UBE2N: variants seen among roughly 807,000 people sequenced by gnomAD.
The protein encoded by UBE2N is ubiquitin conjugating enzyme E2 N.
For missense variants in UBE2N, 60 were observed against 192.1 expected, an observed-to-expected ratio of 0.31 and a Z score of 4.07; for synonymous variants, 70 against 69.2, an observed-to-expected ratio of 1.01 and a Z score of -0.06.
At chr12:93,411,331 C>T (rs758994832) in intron 1 of UBE2N, 32 bp from the exon 2 acceptor site, 27 of 1,562,974 alleles carry the variant, frequency 1.7e-5, no homozygotes, top group South Asian at 1.2e-4. Flanking sequence ...ATTTGTGAAA[C>T]AAATGTCATT....
chr12:93,430,997 G>A (rs1309138205), intron 1 of UBE2N, among the ~76,000 whole-genome samples: 1 of 151,084 alleles, frequency 6.6e-6, no homozygotes, highest in Non-Finnish European at 1.5e-5. Flanking sequence ...GGGAGGCCAA[G>A]GCGGGCGAAT....
chr12:93,438,523 G>T (rs1169333952), intron 1 of UBE2N, among the ~76,000 whole-genome samples: 1 of 152,034 alleles, frequency 6.6e-6, no homozygotes, highest in Non-Finnish European at 1.5e-5. Context: ...GAGAAGTGCA[G>T]ATGCGCTCAG....
intron 1 of UBE2N, among the ~76,000 whole-genome samples, chr12:93,413,955 A>G (rs554079775): frequency 2.6e-5 from 4 of 152,188 alleles, no homozygotes; most frequent in Admixed American, 6.5e-5. Context: ...TCAGGTCAGG[A>G]GTTCGAGACC....
At chr12:93,440,080 G>GA (rs1477760212) in intron 1 of UBE2N, among the ~76,000 whole-genome samples, 1 of 152,092 alleles carries the variant, frequency 6.6e-6, no homozygotes, top group Admixed American at 6.6e-5. Flanking sequence ...ATCAAAAATA[G>GA]AAAAATGCGT....
At chr12:93,412,144 GGAA>G (rs1418630945) in intron 1 of UBE2N, among the ~76,000 whole-genome samples, 1 of 152,114 alleles carries the variant, frequency 6.6e-6, no homozygotes, top group Non-Finnish European at 1.5e-5. Flanking sequence ...TAACTTCAGA[GGAA>G]CCCTTAATAC....
intron 1 of UBE2N, among the ~76,000 whole-genome samples, chr12:93,440,044 T>C (rs1331140522): frequency 6.6e-6 from 1 of 152,242 alleles, no homozygotes; most frequent in African/African-American, 2.4e-5. Flanking sequence ...ATCCAAGGCT[T>C]TCATATTACT....
rs1877816223 is a variant in UBE2N, at chr12:93,406,320, TCAACA to T, written c.*3714_*3718del. 4.0e-5 allele frequency: 5 copies of T among 125,622 alleles called. No individual in the cohort carries two copies. Among genetic ancestry groups the T allele is most frequent in the Non-Finnish European group, 8.4e-5 (5 of 59,200 alleles). 7.8% of individuals were successfully genotyped at this position (125,622 alleles called of 1,614,324 possible). On this transcript the variant is annotated 3_prime_UTR_variant, in exon 4 of 4. Coordinates refer to ENST00000318066, the MANE Select transcript of UBE2N (RefSeq NM_003348.4). ...AAAAAAAAAAAGGTTCCTGAACCAT[TCAACA>T]GAAAAATGAGGCCTATTCCTATCAT...
intron 1 of UBE2N, chr12:93,424,275 C>A (rs745882614): frequency 3.3e-5 from 5 of 152,150 alleles, no homozygotes; most frequent in Non-Finnish European, 7.3e-5. Context: ...CTTACTCGAC[C>A]CTTTTTCTTC....
At chr12:93,434,129 A>G (rs1878851455) in intron 1 of UBE2N, among the ~76,000 whole-genome samples, 1 of 152,178 alleles carries the variant, frequency 6.6e-6, no homozygotes. Flanking sequence ...GTCTCTACTA[A>G]AAATAAAAAA....
chr12:93,408,650 T>C lies in UBE2N; in HGVS notation c.*1389A>G, dbSNP rs1392662282. 6.6e-6 allele frequency: 1 copy of C among 152,148 alleles called. No homozygotes were observed. Among genetic ancestry groups the C allele is most frequent in the Non-Finnish European group, 1.5e-5 (1 of 68,034 alleles). 9.4% of individuals were successfully genotyped at this position (152,148 alleles called of 1,614,324 possible). A position where few individuals can be genotyped will look rare whatever the true frequency, so the allele number is the denominator to read the frequency against. Reference sequence around the variant, plus strand: ...AAGAACAGTTTTGTGAGGGGAGGAATTCGTCAATAAAGAAGAAAAATTACT... The same window carrying C: ...AAGAACAGTTTTGTGAGGGGAGGAACTCGTCAATAAAGAAGAAAAATTACT... On this transcript the variant is annotated 3_prime_UTR_variant, in exon 4 of 4. Transcript: ENST00000318066.
At chr12:93,424,208 G>A (rs1878505926) in intron 1 of UBE2N, 1 of 152,176 alleles carries the variant, frequency 6.6e-6, no homozygotes, top group African/African-American at 2.4e-5. Context: ...GGCATAAACA[G>A]GTACTTTTCC....
chr12:93,426,092 G>A (rs1207239320), intron 1 of UBE2N, among the ~76,000 whole-genome samples: 6 of 152,180 alleles, frequency 3.9e-5, no homozygotes, highest in East Asian at 1.9e-4. Flanking sequence ...AAATAACTCA[G>A]CAGATTTTTT....
At chr12:93,413,928 G>A (rs1400289291) in intron 1 of UBE2N, among the ~76,000 whole-genome samples, 7 of 152,210 alleles carry the variant, frequency 4.6e-5, no homozygotes, top group Admixed American at 2.0e-4. Context: ...TTGGGAGGCC[G>A]AGGCGGGTGG....
chr12:93,418,251 G>A (rs562228445), intron 1 of UBE2N, among the ~76,000 whole-genome samples: 79 of 152,174 alleles, frequency 5.2e-4, no homozygotes, highest in Non-Finnish European at 9.0e-4. Context: ...TAGTCCTAGC[G>A]TACTTGGGAG....
chr12:93,429,029 T>C (rs542315146), intron 1 of UBE2N, among the ~76,000 whole-genome samples: 3 of 152,076 alleles, frequency 2.0e-5, no homozygotes, highest in Non-Finnish European at 4.4e-5. Flanking sequence ...CCCAGCACTT[T>C]TGGAGGCTGA....
In UBE2N at chr12:93,441,870, G is replaced by A. The variant is rs1172894125; in HGVS notation, c.15C>T (p.Pro5=). The change falls in exon 1 of 4, where the codon CCC becomes CCT. Residue 5 remains proline, a synonymous_variant. Coordinates refer to ENST00000318066, the MANE Select transcript of UBE2N (RefSeq NM_003348.4). ...GGGCGGTTACCTTGATGATCCTGCGGGGCAGCCCGGCCATCTTGTCAGAAC... is the reference window on the plus strand; with the variant it reads ...GGGCGGTTACCTTGATGATCCTGCGAGGCAGCCCGGCCATCTTGTCAGAAC... The part of the protein sequence containing the change: MAGL[P]RRIIKETQRL... 13 of 1,578,414 alleles carry A rather than the reference G, an allele frequency of 8.2e-6. No individual in the cohort carries two copies. Among genetic ancestry groups the A allele is most frequent in the Non-Finnish European group, 1.0e-5 (12 of 1,165,046 alleles).
intron 1 of UBE2N, among the ~76,000 whole-genome samples, chr12:93,434,890 GTATTTATTTATTTATT>G (rs141035353): frequency 6.6e-6 from 1 of 151,200 alleles, no homozygotes; most frequent in African/African-American, 2.4e-5. Flanking sequence ...TAATGAGTTT[GTATTTATTTATTTATT>G]TATTTATTTA....
intron 1 of UBE2N, among the ~76,000 whole-genome samples, chr12:93,435,595 C>G (rs911904994): frequency 3.3e-5 from 5 of 152,184 alleles, no homozygotes; most frequent in African/African-American, 9.6e-5. Flanking sequence ...CATTGCACTC[C>G]AGGCTGGGCA....
intron 1 of UBE2N, among the ~76,000 whole-genome samples, chr12:93,434,185 G>A (rs760731383): frequency 2.6e-5 from 4 of 152,314 alleles, no homozygotes; most frequent in Non-Finnish European, 4.4e-5. Flanking sequence ...CCAGCTACTC[G>A]GGAGGCTGAG....
Sources: gnomAD v4.1 joint callset for allele counts (sites outside exome capture counted in the v4.1 genomes callset) on GRCh38, gnomAD v4.1.1 for gene constraint, MANE v1.5 for transcripts, NCBI Gene and HGNC (gene_info 2026-07-23, HGNC 2026-07-21) for gene names.